The following MDGA2 variants were observed in gnomAD, a reference collection of about 807,000 sequenced individuals.
MDGA2 encodes MAM domain containing glycosylphosphatidylinositol anchor 2, also known as MAM domain-containing glycosylphosphatidylinositol anchor protein 2.
MDGA2 carries 40 observed loss-of-function variants against 117.8 expected under a neutral mutation model. The ratio of observed to expected loss-of-function variants is 0.34; its 90% CI spans 0.26 to 0.44. MDGA2 has a LOEUF of 0.44. Among genes scored for constraint, MDGA2 ranks in the 20% least tolerant of loss-of-function variants. MDGA2 has a pLI of 1.00. For missense variants in MDGA2, 1,123 were observed against 1,250.6 expected, an observed-to-expected ratio of 0.90 and a Z score of 1.54; for synonymous variants, 452 against 439.0, an observed-to-expected ratio of 1.03 and a Z score of -0.37.
intron 2 of MDGA2, among the ~76,000 whole-genome samples, chr14:47,293,966 G>A (rs111487255): frequency 0.028 from 4,243 of 152,072 alleles, 197 homozygotes; most frequent in African/African-American, 0.095. Flanking sequence ...GACTGTAAGT[G>A]TTTCCTCCTA....
intron 10 of MDGA2, among the ~76,000 whole-genome samples, chr14:46,919,615 G>A (rs560921233): frequency 1.3e-5 from 2 of 152,282 alleles, no homozygotes; most frequent in South Asian, 4.1e-4. Context: ...GCAAAAATAT[G>A]TACAACTTCT....
At chr14:47,092,087 A>G (rs1201344615) in intron 6 of MDGA2, among the ~76,000 whole-genome samples, 1 of 152,200 alleles carries the variant, frequency 6.6e-6, no homozygotes, top group Non-Finnish European at 1.5e-5. Flanking sequence ...AATTTCTAAA[A>G]GAGGGGCTAC....
rs148494590 is a variant in MDGA2 at position 47,215,591 on chromosome 14, T to G, written c.595+2430A>C. Among the ~76,000 whole-genome samples the G allele has an allele frequency of 9.9e-5, 15 of 152,208 alleles. No individual in the cohort carries two copies. In the South Asian group the frequency reaches 2.5e-3, roughly 25 times the overall value. ...AAAGGATGTTTGAAAATTTACTATC[T>G]GAAGGAATTAATTTATTCAAGCCAT... On this transcript the variant is annotated intron_variant, in intron 3 of 16. Transcript: ENST00000399232.
intron 1 of MDGA2, among the ~76,000 whole-genome samples, chr14:47,469,418 C>T (rs1321618426): frequency 2.6e-5 from 4 of 152,128 alleles, no homozygotes; most frequent in East Asian, 1.9e-4. Context: ...GGTTTTTTGT[C>T]CTTGCAATAG....
chr14:46,853,141 T>C (rs1881129244), intron 15 of MDGA2, among the ~76,000 whole-genome samples: 1 of 151,832 alleles, frequency 6.6e-6, no homozygotes, highest in Non-Finnish European at 1.5e-5. Context: ...CAAATTGAAC[T>C]TACAGAGATG....
At chr14:46,911,211 C>T (rs576953067) in intron 10 of MDGA2, among the ~76,000 whole-genome samples, 5 of 152,312 alleles carry the variant, frequency 3.3e-5, no homozygotes, top group East Asian at 3.9e-4. Flanking sequence ...CAAATTTCTA[C>T]TCAAATTATT....
chr14:47,453,563 T>A (rs4900764), intron 1 of MDGA2, among the ~76,000 whole-genome samples: 48,908 of 151,922 alleles, frequency 0.32, 8,364 homozygotes, highest in East Asian at 0.59. Context: ...TTCTCACTCT[T>A]CTTGGTAATT....
chr14:47,531,615 G>A (rs1566501378), intron 1 of MDGA2, among the ~76,000 whole-genome samples: 1 of 151,654 alleles, frequency 6.6e-6, no homozygotes, highest in African/African-American at 2.4e-5. Flanking sequence ...ATCTCTAGGA[G>A]CATAGCATGT....
intron 1 of MDGA2, among the ~76,000 whole-genome samples, chr14:47,581,390 G>T (rs1423792754): frequency 6.6e-6 from 1 of 151,924 alleles, no homozygotes; most frequent in Admixed American, 6.6e-5. Context: ...TAAGAATTGG[G>T]AATTGTGAAC....
At chr14:47,205,728 G>A (rs964572336) in intron 3 of MDGA2, among the ~76,000 whole-genome samples, 4 of 151,996 alleles carry the variant, frequency 2.6e-5, no homozygotes, top group African/African-American at 9.7e-5. Flanking sequence ...AATTTTGCAA[G>A]TCTGAGAGCT....
intron 1 of MDGA2, among the ~76,000 whole-genome samples, chr14:47,387,249 C>G (rs1303865283): frequency 6.6e-6 from 1 of 152,118 alleles, no homozygotes; most frequent in East Asian, 1.9e-4. Context: ...AGTTCGCGAA[C>G]AGGTTGTTTG....
chr14:47,317,767 C>G (rs977413662), intron 1 of MDGA2, among the ~76,000 whole-genome samples: 1 of 152,074 alleles, frequency 6.6e-6, no homozygotes, highest in Non-Finnish European at 1.5e-5. Context: ...ACATACATCA[C>G]GTTTAGAATG....
chr14:47,260,272 C>T (rs576215944), intron 2 of MDGA2, among the ~76,000 whole-genome samples: 8 of 151,998 alleles, frequency 5.3e-5, no homozygotes, highest in Non-Finnish European at 1.2e-4. Context: ...TTTTGTTTTT[C>T]GTATACAGAC....
intron 1 of MDGA2, among the ~76,000 whole-genome samples, chr14:47,505,372 A>G (rs1894489262): frequency 6.6e-6 from 1 of 152,188 alleles, no homozygotes; most frequent in South Asian, 2.1e-4. Flanking sequence ...TCTCACCGCA[A>G]AAAAATAACT....
At chr14:47,016,289 T>A (rs1383924157) in intron 8 of MDGA2, among the ~76,000 whole-genome samples, 3 of 151,978 alleles carry the variant, frequency 2.0e-5, no homozygotes, top group African/African-American at 7.2e-5. Context: ...AGTAAGTCCT[T>A]CATAACATGA....
intron 1 of MDGA2, among the ~76,000 whole-genome samples, chr14:47,401,654 T>C (rs1247364234): frequency 6.6e-6 from 1 of 152,202 alleles, no homozygotes; most frequent in East Asian, 1.9e-4. Context: ...GGCCAACCCA[T>C]AGCCTACAGC....
intron 3 of MDGA2, among the ~76,000 whole-genome samples, chr14:47,208,995 T>C (rs578192861): frequency 6.7e-6 from 1 of 149,154 alleles, no homozygotes; most frequent in Non-Finnish European, 1.5e-5. Flanking sequence ...GAATGGATAG[T>C]TTTTATAAGA....
intron 1 of MDGA2, among the ~76,000 whole-genome samples, chr14:47,528,590 T>A (rs970730581): frequency 1.3e-5 from 2 of 152,178 alleles, no homozygotes; most frequent in Non-Finnish European, 2.9e-5. Context: ...CCACAAAAAG[T>A]ATAGACATAT....
chr14:47,628,615 C>G (rs965697514), intron 1 of MDGA2, among the ~76,000 whole-genome samples: 1 of 152,160 alleles, frequency 6.6e-6, no homozygotes, highest in Non-Finnish European at 1.5e-5. Flanking sequence ...ACTCCTAAGA[C>G]TAAAACTATG....
Sources: allele counts gnomAD v4.1 joint callset (sites outside exome capture counted in the v4.1 genomes callset), GRCh38; gene constraint gnomAD v4.1.1; transcripts MANE v1.5; gene names NCBI Gene and HGNC (gene_info 2026-07-23, HGNC 2026-07-21).